Variants in CNTN1 observed in about 807,000 individuals in gnomAD.
CNTN1 encodes the protein contactin-1.
A neutral mutation model predicts 126.4 loss-of-function variants in CNTN1; 38 were observed. The ratio of observed to expected loss-of-function variants is 0.30; its 90% CI spans 0.23 to 0.39. The LOEUF (loss-of-function observed/expected upper bound fraction) is 0.39, where lower values mean the gene tolerates loss of function less well. Ranked by LOEUF, CNTN1 falls within the 10% of genes least tolerant of loss-of-function variation. CNTN1 has a pLI of 1.00. For synonymous variants in CNTN1, 413 were observed against 422.6 expected (o/e 0.98, Z 0.28); for missense variants, 1,009 against 1,248.4 (o/e 0.81, Z 2.89).
At chr12:40,989,956 T>G (rs972811598) in intron 16 of CNTN1, among the ~76,000 whole-genome samples, 2 of 152,062 alleles carry the variant, frequency 1.3e-5, no homozygotes, top group Non-Finnish European at 2.9e-5. Flanking sequence ...TTTTAAATTA[T>G]GTACTTCTGA....
chr12:41,008,590 C>T (rs1486728103), intron 17 of CNTN1, among the ~76,000 whole-genome samples: 1 of 152,128 alleles, frequency 6.6e-6, no homozygotes, highest in Non-Finnish European at 1.5e-5. Flanking sequence ...TCACAGCTTC[C>T]ACCAACTATC....
At chr12:40,819,704 C>T (rs1285511521) in intron 1 of CNTN1, among the ~76,000 whole-genome samples, 1 of 152,156 alleles carries the variant, frequency 6.6e-6, no homozygotes, top group African/African-American at 2.4e-5. Flanking sequence ...GGTCGCCCCT[C>T]CCCCCTGGAG....
intron 21 of CNTN1, 105 bp from the exon 22 acceptor site, chr12:41,027,752 T>C (rs1949063565): frequency 3.9e-6 from 3 of 760,144 alleles, no homozygotes; most frequent in Admixed American, 3.9e-5. Flanking sequence ...TAAAACTAGA[T>C]GGTGGTGGTC....
chr12:40,973,916 AT>A (rs1345116087), intron 15 of CNTN1, among the ~76,000 whole-genome samples: 1 of 152,172 alleles, frequency 6.6e-6, no homozygotes, highest in African/African-American at 2.4e-5. Context: ...TATCAAAAAA[AT>A]GAATCTTGAT....
intron 1 of CNTN1, among the ~76,000 whole-genome samples, chr12:40,795,570 C>A (rs11178423): frequency 6.7e-6 from 1 of 150,216 alleles, no homozygotes; most frequent in South Asian, 2.1e-4. Context: ...TCTGTTGGTT[C>A]TGAAAAATAC....
At chr12:40,779,761 A>C (rs1159760811) in intron 1 of CNTN1, among the ~76,000 whole-genome samples, 1 of 151,948 alleles carries the variant, frequency 6.6e-6, no homozygotes, top group East Asian at 1.9e-4. Context: ...TTTTAAAAGA[A>C]GAAATTGAAT....
intron 1 of CNTN1, among the ~76,000 whole-genome samples, chr12:40,780,183 A>G (rs1360964265): frequency 1.3e-5 from 2 of 151,930 alleles, no homozygotes; most frequent in Admixed American, 6.6e-5. Flanking sequence ...GAATTTTGTA[A>G]TTCACAAATT....
chr12:40,962,902 G>C (rs990098296), intron 15 of CNTN1, among the ~76,000 whole-genome samples: 3 of 152,066 alleles, frequency 2.0e-5, no homozygotes, highest in African/African-American at 7.2e-5. Flanking sequence ...ATTTCTGTTA[G>C]TCTTTCTATA....
chr12:40,793,747 A>G (rs1940307096), intron 1 of CNTN1, among the ~76,000 whole-genome samples: 1 of 151,818 alleles, frequency 6.6e-6, no homozygotes, highest in Non-Finnish European at 1.5e-5. Context: ...TGAATGAAAC[A>G]TTTTCTGACC....
chr12:40,808,066 T>C (rs1268798743), intron 1 of CNTN1, among the ~76,000 whole-genome samples: 1 of 152,160 alleles, frequency 6.6e-6, no homozygotes, highest in South Asian at 2.1e-4. Flanking sequence ...AAAGTACAGA[T>C]CTTTTGGAAT....
At chr12:41,004,423 G>A (rs552737691) in intron 17 of CNTN1, among the ~76,000 whole-genome samples, 56 of 152,268 alleles carry the variant, frequency 3.7e-4, no homozygotes, top group African/African-American at 1.3e-3. Flanking sequence ...CTGTTATTTT[G>A]GGGTGGAGAG....
chr12:41,041,831 G>A lies in CNTN1; in HGVS notation c.2980+12612G>A, dbSNP rs557333248. ...TTTCTTCTTTATTTGTCTTGCTAGC[G>A]GTCTATCAATTTTGTTGATCCTTTC... On this transcript the variant is annotated intron_variant, in intron 23 of 23. Transcript: ENST00000551295. Among the ~76,000 whole-genome samples, 19 of 152,004 alleles carry A rather than the reference G, an allele frequency of 1.2e-4. No individual in the cohort carries two copies. The South Asian group carries it at 1.5e-3, about 12-fold the overall frequency.
At chr12:40,829,959 A>G (rs1941751935) in intron 1 of CNTN1, among the ~76,000 whole-genome samples, 2 of 152,174 alleles carry the variant, frequency 1.3e-5, no homozygotes, top group South Asian at 4.1e-4. Flanking sequence ...TGGCAGTGCT[A>G]CTTGTTGGAT....
chr12:41,000,595 A>T (rs936568185), intron 17 of CNTN1, among the ~76,000 whole-genome samples: 2 of 151,306 alleles, frequency 1.3e-5, no homozygotes, highest in African/African-American at 4.9e-5. Context: ...ATTATTAATA[A>T]TTTCTCTATG....
chr12:40,775,016 A>G (rs201495285), intron 1 of CNTN1, among the ~76,000 whole-genome samples: 1 of 151,588 alleles, frequency 6.6e-6, no homozygotes, highest in East Asian at 1.9e-4. Flanking sequence ...TTCCAATTCA[A>G]CTGGCTTAAT....
chr12:40,721,363 T>A (rs564111099), intron 1 of CNTN1, among the ~76,000 whole-genome samples: 1 of 152,230 alleles, frequency 6.6e-6, no homozygotes, highest in African/African-American at 2.4e-5. Context: ...TGAACCTTTT[T>A]TTCTAGGTTT....
At chr12:41,022,707 A>G (rs1194676741) in intron 20 of CNTN1, among the ~76,000 whole-genome samples, 1 of 152,178 alleles carries the variant, frequency 6.6e-6, no homozygotes, top group Non-Finnish European at 1.5e-5. Flanking sequence ...ATTTTATTAA[A>G]TCCACACAAC....
chr12:40,959,906 A>C (rs1476833875), intron 15 of CNTN1, among the ~76,000 whole-genome samples: 1 of 152,080 alleles, frequency 6.6e-6, no homozygotes, highest in Non-Finnish European at 1.5e-5. Context: ...TGTTGACCCC[A>C]GCTTGCTTAC....
chr12:40,770,579 A>G (rs909895833), intron 1 of CNTN1, among the ~76,000 whole-genome samples: 9 of 152,174 alleles, frequency 5.9e-5, no homozygotes, highest in African/African-American at 1.9e-4. Context: ...TATTGAAGCC[A>G]TGAAAAGAAT....
Sources: gnomAD v4.1 joint callset for allele counts (sites outside exome capture counted in the v4.1 genomes callset) on GRCh38, gnomAD v4.1.1 for gene constraint, MANE v1.5 for transcripts, NCBI Gene and HGNC (gene_info 2026-07-23, HGNC 2026-07-21) for gene names.